The following SF3B6 variants were observed in gnomAD, a reference collection of about 807,000 sequenced individuals.
The protein encoded by SF3B6 is splicing factor 3b subunit 6.
Under a neutral mutation model 15.9 loss-of-function variants are expected in SF3B6, and 3 were observed. The ratio of observed to expected loss-of-function variants is 0.19; its 90% CI spans 0.09 to 0.49. The LOEUF is 0.49. Among genes scored for constraint, SF3B6 ranks in the 20% least tolerant of loss-of-function variants. SF3B6 has a pLI of 0.97. For synonymous variants in SF3B6, 49 were observed against 51.1 expected, an observed-to-expected ratio of 0.96 and a Z score of 0.18; for missense variants, 71 against 154.3, an observed-to-expected ratio of 0.46 and a Z score of 2.86.
chr2:24,075,592 T>C (rs971563178), intron 1 of SF3B6, among the ~76,000 whole-genome samples: 15 of 146,664 alleles, frequency 1.0e-4, no homozygotes, highest in African/African-American at 3.6e-4. Context: ...GTTTTTTTTT[T>C]TTAAAAGTTT....
chr2:24,069,626 G>A (rs1317958581), intron 2 of SF3B6, among the ~76,000 whole-genome samples: 1 of 152,164 alleles, frequency 6.6e-6, no homozygotes, highest in Non-Finnish European at 1.5e-5. Context: ...AATAAAAGCA[G>A]TGGAGCCATG....
At chr2:24,069,494 G>A (rs1301675398) in intron 2 of SF3B6, among the ~76,000 whole-genome samples, 3 of 152,190 alleles carry the variant, frequency 2.0e-5, no homozygotes, top group Admixed American at 1.3e-4. Flanking sequence ...CTCAGTTCAG[G>A]CTCTGGGTGA....
chr2:24,068,830 T>C (rs1220964695), intron 2 of SF3B6, among the ~76,000 whole-genome samples: 1 of 152,008 alleles, frequency 6.6e-6, no homozygotes, highest in East Asian at 1.9e-4. Flanking sequence ...GTTGTCTTTG[T>C]TTTGTTTTGT....
intron 2 of SF3B6, among the ~76,000 whole-genome samples, chr2:24,069,996 A>G (rs1200239364): frequency 6.6e-6 from 1 of 152,050 alleles, no homozygotes; most frequent in African/African-American, 2.4e-5. Context: ...ACTTTCTTCT[A>G]TCAGTTCTCT....
chr2:24,067,710 G>T lies in SF3B6; in HGVS notation c.*52C>A, dbSNP rs962093824. 1.4e-6 allele frequency: 2 copies of T among 1,417,878 alleles called. No individual in the cohort carries two copies. Among genetic ancestry groups the T allele is most frequent in the African/African-American group, 2.9e-5 (2 of 70,108 alleles). 87.8% of individuals were successfully genotyped at this position (1,417,878 alleles called of 1,614,324 possible). ...TAGTATTAATTAAAAAGGAAAAAAA[G>T]GTGGTAGTTGTCATTCGTGGGATTT... On this transcript the variant is annotated 3_prime_UTR_variant, in exon 4 of 4. Coordinates refer to ENST00000233468, the MANE Select transcript of SF3B6 (RefSeq NM_016047.4).
chr2:24,074,002 G>T, intron 2 of SF3B6, 74 bp downstream of exon 2: 2 of 916,388 alleles, frequency 2.2e-6, no homozygotes, highest in Non-Finnish European at 3.6e-6. Context: ...GCACAGGGTG[G>T]CCTCATCGTC....
intron 3 of SF3B6, 106 bp downstream of exon 3, chr2:24,068,215 G>A (rs1272245814): frequency 1.4e-4 from 155 of 1,126,076 alleles, no homozygotes; most frequent in Non-Finnish European, 1.9e-4. Flanking sequence ...CGCCCACCTC[G>A]GCCTCCCAAA....
rs186578348 is a variant in SF3B6, at chr2:24,071,326, T to A, written c.149+2750A>T. Among the ~76,000 whole-genome samples, 5 of 152,332 alleles carry A rather than the reference T, an allele frequency of 3.3e-5. No homozygotes were observed. The East Asian group carries it at 9.7e-4, about 30-fold the overall frequency. On this transcript the variant is annotated intron_variant, in intron 2 of 3. Coordinates refer to ENST00000233468, the MANE Select transcript of SF3B6 (RefSeq NM_016047.4). ...TATAAATCTTAAGAAATGTTTCGGCTTGGCACGGTGGCTCATGCTTGTAAT... is the reference window on the plus strand; with the variant it reads ...TATAAATCTTAAGAAATGTTTCGGCATGGCACGGTGGCTCATGCTTGTAAT...
chr2:24,076,058 G>T, intron 1 of SF3B6, 142 bp downstream of exon 1: 2 of 1,077,408 alleles, frequency 1.9e-6, no homozygotes, highest in Non-Finnish European at 2.9e-6. Flanking sequence ...GGATGGGGCC[G>T]GATAGTGTCT....
chr2:24,068,254 C>T (rs1971074), intron 3 of SF3B6, 67 bp downstream of exon 3: 55,915 of 1,510,092 alleles, frequency 0.037, 4,999 homozygotes, highest in African/African-American at 0.35. Context: ...TGAGCCACCG[C>T]GCCCGGCCAG....
intron 2 of SF3B6, among the ~76,000 whole-genome samples, chr2:24,071,795 G>C (rs1242969168): frequency 1.3e-5 from 2 of 152,112 alleles, no homozygotes. Flanking sequence ...GAAAATAGAA[G>C]CACAAAGGTT....
At chr2:24,069,131 G>A (rs1664610601) in intron 2 of SF3B6, among the ~76,000 whole-genome samples, 1 of 152,232 alleles carries the variant, frequency 6.6e-6, no homozygotes, top group African/African-American at 2.4e-5. Context: ...ACAGGCATGA[G>A]CCACCACACC....
At chr2:24,073,070 A>T (rs1418086014) in intron 2 of SF3B6, among the ~76,000 whole-genome samples, 1 of 152,162 alleles carries the variant, frequency 6.6e-6, no homozygotes, top group African/African-American at 2.4e-5. Flanking sequence ...TTTCATCCCC[A>T]TCTGAGTACC....
chr2:24,073,968 G>GT, intron 2 of SF3B6, 108 bp downstream of exon 2: 2 of 723,786 alleles, frequency 2.8e-6, no homozygotes, highest in Non-Finnish European at 4.8e-6. Flanking sequence ...AAGGCTCTTG[G>GT]TAAGGGTTGT....
At chr2:24,071,850 C>T (rs919258295) in intron 2 of SF3B6, among the ~76,000 whole-genome samples, 1 of 152,198 alleles carries the variant, frequency 6.6e-6, no homozygotes, top group African/African-American at 2.4e-5. Flanking sequence ...GCTTTATTCC[C>T]TGTCCTTTCA....
rs925989251 is a variant in SF3B6, at chr2:24,068,259, G to T, written c.288+62C>A. On this transcript the variant is annotated intron_variant, in intron 3 of 3. Transcript: ENST00000233468. ...ATTACAGGCATGAGCCACCGCGCCCGGCCAGTTCTACACTAATTCTCAAAT... is the reference window on the plus strand; with the variant it reads ...ATTACAGGCATGAGCCACCGCGCCCTGCCAGTTCTACACTAATTCTCAAAT... 1.2e-5 allele frequency: 18 copies of T among 1,508,230 alleles called. No individual in the cohort carries two copies. The South Asian group carries it at 2.1e-4, about 18-fold the overall frequency. The allele number at this position is 1,508,230 out of a possible 1,614,324, so 93.4% of individuals were successfully genotyped here. A position where few individuals can be genotyped will look rare whatever the true frequency, so the allele number is the denominator to read the frequency against.
chr2:24,076,237 G>T lies in SF3B6; in HGVS notation c.-8C>A, dbSNP rs1250379922. On this transcript the variant is annotated 5_prime_UTR_variant, in exon 1 of 4. Coordinates refer to ENST00000233468, the MANE Select transcript of SF3B6 (RefSeq NM_016047.4). ...GGCCGCTTGCATCGCCATCTTGGCG[G>T]GCTGATGAAGTTACCGTAGCAGATA... 6.2e-7 allele frequency: 1 copy of T among 1,614,148 alleles called. No individual in the cohort carries two copies. Among genetic ancestry groups the T allele is most frequent in the Admixed American group, 1.7e-5 (1 of 60,028 alleles).
intron 2 of SF3B6, 42 bp downstream of exon 2, chr2:24,074,034 G>T: frequency 8.1e-7 from 1 of 1,238,482 alleles, no homozygotes; most frequent in South Asian, 1.2e-5. Context: ...TGAAATTACA[G>T]ATTATGCTAT....
At chr2:24,071,498 A>G (rs1664650928) in intron 2 of SF3B6, among the ~76,000 whole-genome samples, 1 of 152,114 alleles carries the variant, frequency 6.6e-6, no homozygotes, top group South Asian at 2.1e-4. Flanking sequence ...TCAGCAACTC[A>G]GGAGGCTGAG....
Sources: gnomAD v4.1 joint callset for allele counts (sites outside exome capture counted in the v4.1 genomes callset) on GRCh38, gnomAD v4.1.1 for gene constraint, MANE v1.5 for transcripts, NCBI Gene and HGNC (gene_info 2026-07-23, HGNC 2026-07-21) for gene names.